Variants in NCSTN observed in about 807,000 individuals in gnomAD.
NCSTN encodes the protein nicastrin, also known as anterior pharynx-defective 2.
A neutral mutation model predicts 87.0 loss-of-function variants in NCSTN; 22 were observed. The ratio of observed to expected loss-of-function variants is 0.25; its 90% CI spans 0.18 to 0.36. The LOEUF (loss-of-function observed/expected upper bound fraction) is 0.36. Among genes scored for constraint, NCSTN ranks in the 10% least tolerant of loss-of-function variants. The pLI is 1.00. For missense variants in NCSTN, 693 were observed against 883.3 expected, an observed-to-expected ratio of 0.78 and a Z score of 2.73; for synonymous variants, 306 against 327.1, an observed-to-expected ratio of 0.94 and a Z score of 0.69.
chr1:160,343,934 G>T, intron 1 of NCSTN: 11 of 215,132 alleles, frequency 5.1e-5, no homozygotes, highest in South Asian at 2.1e-4. Flanking sequence ...CTAAGTCTGT[G>T]TCCCCCTGCC....
chr1:160,343,904 C>T (rs1184160566), intron 1 of NCSTN: 2 of 363,054 alleles, frequency 5.5e-6, no homozygotes, highest in Non-Finnish European at 1.1e-5. Flanking sequence ...TTTCTTATTT[C>T]TTCCTCTGTT....
intron 2 of NCSTN, among the ~76,000 whole-genome samples, chr1:160,348,719 A>G (rs1238910958): frequency 6.6e-6 from 1 of 152,224 alleles, no homozygotes; most frequent in Non-Finnish European, 1.5e-5. Flanking sequence ...AATCTTATGT[A>G]TATGGCTAAA....
In NCSTN at chr1:160,354,114, C is replaced by G. The variant is rs781176603; in HGVS notation, c.1180-4C>G. ...CATCAGTTAATCTCCCTCGTACCCC[C>G]CAGGTGGAGGATCTCCTGGCCACAT... On this transcript the variant is annotated splice_region_variant and splice_polypyrimidine_tract_variant and intron_variant, in intron 10 of 16. Transcript: ENST00000294785. 1 of 1,614,034 alleles carries G rather than the reference C, an allele frequency of 6.2e-7. No homozygotes were observed. The highest frequency in any genetic ancestry group is 1.3e-5 in the African/African-American group (1 of 75,010).
At chr1:160,348,514 A>G (rs1231493638) in intron 2 of NCSTN, among the ~76,000 whole-genome samples, 6 of 152,222 alleles carry the variant, frequency 3.9e-5, no homozygotes, top group Non-Finnish European at 7.3e-5. Flanking sequence ...CCTCATCTAA[A>G]ACCGGCCAGA....
chr1:160,344,880 A>G (rs1648376939), intron 2 of NCSTN, 54 bp downstream of exon 2: 3 of 1,431,400 alleles, frequency 2.1e-6, no homozygotes, highest in Non-Finnish European at 3.0e-6. Context: ...TGTGCCCTAG[A>G]TACTAAGTAA....
rs201139410 is a variant in NCSTN, at chr1:160,357,026, G to T, written c.1795-15G>T. On this transcript the variant is annotated splice_polypyrimidine_tract_variant and intron_variant, in intron 15 of 16. Transcript: ENST00000294785. Reference sequence around the variant, plus strand: ...GATCACCCTAGCCGTGTGTTGTGGCGCATCTTCTGTGCAGCTGTATGAGTA... The same window carrying T: ...GATCACCCTAGCCGTGTGTTGTGGCTCATCTTCTGTGCAGCTGTATGAGTA... The T allele has an allele frequency of 6.2e-7, 1 of 1,604,726 alleles. No individual in the cohort carries two copies. Among genetic ancestry groups the T allele is most frequent in the Non-Finnish European group, 8.5e-7 (1 of 1,171,838 alleles).
chr1:160,351,865 C>T (rs957958414), intron 7 of NCSTN, 60 bp downstream of exon 7: 4 of 1,477,540 alleles, frequency 2.7e-6, no homozygotes, highest in Admixed American at 1.7e-5. Context: ...TGGTAGGCCC[C>T]GCTCTAGCAT....
chr1:160,344,474 AG>A, intron 1 of NCSTN: 1 of 1,516,684 alleles, frequency 6.6e-7, no homozygotes, highest in Non-Finnish European at 8.8e-7. Context: ...TCTCTCTTTT[AG>A]TGTCACTGTC....
At chr1:160,356,174 C>A in intron 13 of NCSTN, 86 bp from the exon 14 acceptor site, 1 of 1,252,940 alleles carries the variant, frequency 8.0e-7, no homozygotes, top group Non-Finnish European at 1.2e-6. Context: ...CTGGTTCCTG[C>A]CCCATGACTG....
At chr1:160,353,512 A>G in intron 10 of NCSTN, 2 of 1,335,926 alleles carry the variant, frequency 1.5e-6, no homozygotes, top group South Asian at 3.1e-5. Context: ...GTGAGTGACT[A>G]GCTCCCTTCT....
Position 160,350,193 on chromosome 1 carries a change from C to T in NCSTN, c.525C>T (p.Asp175=), listed in dbSNP as rs186069175. 7.1e-5 allele frequency: 115 copies of T among 1,614,182 alleles called. 2 individuals carry two copies. The highest frequency in any genetic ancestry group is 7.6e-6 in the Non-Finnish European group (9 of 1,180,018). The part of the protein sequence containing the change: ...NSLGNGLAYE[D]FSFPIFLLED... ...TGGGCAATGGTTTGGCTTATGAAGACTTTAGTTTCCCCATCTTTCTTCTTG... is the reference window on the plus strand; with the variant it reads ...TGGGCAATGGTTTGGCTTATGAAGATTTTAGTTTCCCCATCTTTCTTCTTG... Residue 175 remains aspartate, a synonymous_variant, in exon 5 of 17, where the codon GAC becomes GAT. Coordinates refer to ENST00000294785, the MANE Select transcript of NCSTN (RefSeq NM_015331.3).
rs1375626208 is a variant in NCSTN at position 160,346,882 on chromosome 1, G to A, written c.190+2056G>A. On this transcript the variant is annotated intron_variant, in intron 2 of 16. Coordinates refer to ENST00000294785, the MANE Select transcript of NCSTN (RefSeq NM_015331.3). The stretch of plus-strand genomic sequence containing the variant: ...GGCCTCCCAAAGTGCTGGGATTACA[G>A]GCATGAGCCACCATGCCCAGCCCTC... Among the ~76,000 whole-genome samples the A allele has an allele frequency of 6.6e-5, 10 of 152,316 alleles. No individual in the cohort carries two copies. The South Asian group carries it at 2.1e-3, about 32-fold the overall frequency.
At chr1:160,353,259 A>G (rs768533918) in intron 10 of NCSTN, 22 bp downstream of exon 10, 3 of 1,613,856 alleles carry the variant, frequency 1.9e-6, no homozygotes, top group Middle Eastern at 1.6e-4. Context: ...ATCTCCCCTC[A>G]TTTCCTATTC....
At chr1:160,351,160 TGG>T (rs1381939033) in intron 5 of NCSTN, 60 bp from the exon 6 acceptor site, 1 of 1,578,584 alleles carries the variant, frequency 6.3e-7, no homozygotes, top group African/African-American at 1.3e-5. Context: ...CTCCTCCTTC[TGG>T]GATGTAAGGG....
chr1:160,353,483 C>A, intron 10 of NCSTN: 1 of 1,395,552 alleles, frequency 7.2e-7, no homozygotes, highest in Admixed American at 2.8e-5. Context: ...AGCAGACTAC[C>A]ACTGCCCATT....
intron 10 of NCSTN, chr1:160,353,459 AT>A (rs1305993403): frequency 1.5e-5 from 22 of 1,434,426 alleles, no homozygotes; most frequent in Non-Finnish European, 2.0e-5. Flanking sequence ...TAGTTCTCTG[AT>A]CATTTGTTGC....
At position 160,352,178 on chromosome 1, in the gene NCSTN, G is replaced by A. The variant is rs200596888; in HGVS notation, c.968G>A (p.Arg323His). 32 of 1,613,956 alleles carry A rather than the reference G, an allele frequency of 2.0e-5. No individual in the cohort carries two copies. In the East Asian group the frequency reaches 2.0e-4, roughly 10 times the overall value. Residue 323 changes from arginine (R) to histidine (H), a missense_variant, in exon 8 of 17, where the codon CGC becomes CAC. This residue lies in a region of NCSTN where 134 missense variants were observed against 226.0 expected (regional missense o/e 0.59). Transcript: ENST00000294785. ...GCACCTGATGTGACCACCCTGCCCC[G>A]CAATGTCATGTTTGTCTTCTTTCAA... is the stretch of plus-strand genomic sequence containing the variant. ...QKAPDVTTLP[R>H]NVMFVFFQGE...
intron 16 of NCSTN, 122 bp from the exon 17 acceptor site, chr1:160,358,027 A>G (rs1649222509): frequency 3.2e-6 from 4 of 1,257,122 alleles, no homozygotes; most frequent in Non-Finnish European, 4.7e-6. Context: ...TGATTATTCC[A>G]TAGTTGGTGC....
chr1:160,356,172 T>C, intron 13 of NCSTN, 88 bp from the exon 14 acceptor site: 1 of 1,247,724 alleles, frequency 8.0e-7, no homozygotes, highest in Non-Finnish European at 1.2e-6. Flanking sequence ...GTCTGGTTCC[T>C]GCCCCATGAC....
Sources: gnomAD v4.1 joint callset for allele counts (sites outside exome capture counted in the v4.1 genomes callset) on GRCh38, gnomAD v4.1.1 for gene constraint, gnomAD v4.1.1 regional missense constraint, MANE v1.5 for transcripts, NCBI Gene and HGNC (gene_info 2026-07-23, HGNC 2026-07-21) for gene names.